SNX29: variants seen among roughly 807,000 people sequenced by gnomAD.
SNX29 encodes the protein sorting nexin-29.
In SNX29, 78 loss-of-function variants were observed where a neutral mutation model predicts 102.1. That is an observed-to-expected ratio of 0.76 (90% CI 0.64 to 0.92). SNX29 has a LOEUF of 0.92. Among genes scored for constraint, SNX29 ranks in the 40% least tolerant of loss-of-function variants. The pLI is 0.00. For missense variants in SNX29, 1,280 were observed against 1,061.7 expected (o/e 1.21, Z -2.86); for synonymous variants, 580 against 414.5 (o/e 1.40, Z -4.85).
chr16:12,229,286 G>A (rs11859239), intron 14 of SNX29, among the ~76,000 whole-genome samples: 2,772 of 152,326 alleles, frequency 0.018, 98 homozygotes, highest in African/African-American at 0.063. Context: ...GCACATAGTA[G>A]GTGTTCAGTA....
At chr16:11,976,967 C>A in intron 1 of SNX29, 154 bp downstream of exon 1, 2 of 1,008,358 alleles carry the variant, frequency 2.0e-6, no homozygotes, top group Non-Finnish European at 2.6e-6. Flanking sequence ...CCAGGACTCC[C>A]GGCTCGTGGC....
chr16:12,402,284 A>G (rs1403900946), intron 17 of SNX29, among the ~76,000 whole-genome samples: 1 of 152,256 alleles, frequency 6.6e-6, no homozygotes, highest in African/African-American at 2.4e-5. Context: ...CATTGTGAAA[A>G]TGAAATGGTC....
In SNX29 at chr16:12,219,714, G is replaced by A. The variant is rs770661407; in HGVS notation, c.1678+20031G>A. On this transcript the variant is annotated intron_variant, in intron 14 of 20. Coordinates refer to ENST00000566228, the MANE Select transcript of SNX29 (RefSeq NM_032167.5). ...AATGTTTTTCTAATTGCAAAGTGAC[G>A]CACAGACCAGTTTCCTCTGGAAATG... Among the ~76,000 whole-genome samples, 66 of 152,312 alleles carry A rather than the reference G, an allele frequency of 4.3e-4. 1 individual carries two copies. The highest frequency in any genetic ancestry group is 5.6e-4 in the Non-Finnish European group (38 of 68,018).
chr16:12,469,542 G>C (rs1055060126), intron 18 of SNX29, among the ~76,000 whole-genome samples: 1 of 152,174 alleles, frequency 6.6e-6, no homozygotes, highest in Non-Finnish European at 1.5e-5. Flanking sequence ...AGCATAAAGG[G>C]GATCAGGGTT....
At chr16:12,559,462 A>C (rs534220327) in intron 20 of SNX29, among the ~76,000 whole-genome samples, 69 of 151,846 alleles carry the variant, frequency 4.5e-4, no homozygotes, top group African/African-American at 1.5e-3. Flanking sequence ...CATTATGGTG[A>C]GTTGTGTAAT....
chr16:12,033,823 T>TCTCG (rs1412751675), intron 4 of SNX29, among the ~76,000 whole-genome samples: 1 of 152,112 alleles, frequency 6.6e-6, no homozygotes, highest in East Asian at 1.9e-4. Flanking sequence ...GGCAGGCTGG[T>TCTCG]CTCGAACTAC....
intron 18 of SNX29, 121 bp downstream of exon 18, chr16:12,403,650 G>C (rs1233965051): frequency 8.5e-6 from 8 of 938,980 alleles, no homozygotes; most frequent in African/African-American, 1.7e-5. Flanking sequence ...TGGCCTTCCA[G>C]ACACCCACAT....
chr16:12,107,048 G>A (rs2053280565), intron 11 of SNX29, among the ~76,000 whole-genome samples: 1 of 152,168 alleles, frequency 6.6e-6, no homozygotes, highest in Admixed American at 6.5e-5. Context: ...GAACTCCTGG[G>A]CTAAAGCAAT....
At position 12,146,128 on chromosome 16, in the gene SNX29, G is replaced by A. The variant is rs373921692; in HGVS notation, c.1595+16370G>A. 1.1e-4 allele frequency among the ~76,000 whole-genome samples: 17 copies of A among 152,336 alleles called. 1 individual carries two copies. The South Asian group carries it at 2.1e-3, about 19-fold the overall frequency. On this transcript the variant is annotated intron_variant, in intron 13 of 20. Transcript: ENST00000566228. ...TACTTGGTGGTTTCCACCTCGATTT[G>A]CATTGCAGCTGCTTCCAGTGTGAGC... is the stretch of plus-strand genomic sequence containing the variant.
intron 14 of SNX29, among the ~76,000 whole-genome samples, chr16:12,209,786 G>A (rs2077135779): frequency 6.6e-6 from 1 of 152,164 alleles, no homozygotes; most frequent in South Asian, 2.1e-4. Flanking sequence ...CTTAAGTCAG[G>A]CATTGCTTAT....
intron 7 of SNX29, among the ~76,000 whole-genome samples, chr16:12,049,103 G>A (rs2050203428): frequency 2.0e-5 from 3 of 152,152 alleles, no homozygotes; most frequent in African/African-American, 7.2e-5. Context: ...GGGAACATCT[G>A]CCATTGGTCT....
intron 13 of SNX29, among the ~76,000 whole-genome samples, chr16:12,136,606 G>A (rs1455629384): frequency 1.3e-5 from 2 of 152,212 alleles, no homozygotes; most frequent in Non-Finnish European, 2.9e-5. Flanking sequence ...TCTGCGCACT[G>A]GTGTCATGCT....
At chr16:12,044,118 C>T (rs1268705875) in intron 5 of SNX29, among the ~76,000 whole-genome samples, 2 of 152,176 alleles carry the variant, frequency 1.3e-5, no homozygotes, top group African/African-American at 4.8e-5. Context: ...TTGAGTGATA[C>T]GGAGCGACAC....
intron 14 of SNX29, among the ~76,000 whole-genome samples, chr16:12,255,218 C>A (rs1488521217): frequency 6.6e-6 from 1 of 151,970 alleles, no homozygotes; most frequent in Non-Finnish European, 1.5e-5. Flanking sequence ...TTTTTTGAGA[C>A]TGAGTCTTGG....
intron 20 of SNX29, among the ~76,000 whole-genome samples, chr16:12,555,749 A>G (rs1048441311): frequency 6.6e-6 from 1 of 150,908 alleles, no homozygotes; most frequent in African/African-American, 2.4e-5. Context: ...CCTCCCCACA[A>G]CTCCAACTAG....
intron 20 of SNX29, among the ~76,000 whole-genome samples, chr16:12,552,470 C>T (rs78768915): frequency 1.3e-5 from 2 of 152,196 alleles, no homozygotes; most frequent in African/African-American, 4.8e-5. Flanking sequence ...CATCTCATCA[C>T]CCAACGATTG....
At chr16:12,434,520 A>G (rs2085448271) in intron 18 of SNX29, among the ~76,000 whole-genome samples, 1 of 152,152 alleles carries the variant, frequency 6.6e-6, no homozygotes, top group African/African-American at 2.4e-5. Context: ...TGGAAGTGCT[A>G]GTCGGGGGTA....
At chr16:12,035,554 T>C (rs3975449) in intron 4 of SNX29, among the ~76,000 whole-genome samples, 2 of 152,212 alleles carry the variant, frequency 1.3e-5, no homozygotes, top group African/African-American at 2.4e-5. Context: ...TTGTGCCTTG[T>C]GGTCAGGCTG....
At chr16:12,403,202 A>ATGTG (rs67193889) in intron 17 of SNX29, among the ~76,000 whole-genome samples, 765 of 70,860 alleles carry the variant, frequency 0.011, 5 homozygotes, top group Non-Finnish European at 0.015. Context: ...TTGTGTGTGT[A>ATGTG]TGTGTGTGTG....
Sources: gnomAD v4.1 joint callset for allele counts (sites outside exome capture counted in the v4.1 genomes callset) on GRCh38, gnomAD v4.1.1 for gene constraint, MANE v1.5 for transcripts, NCBI Gene and HGNC (gene_info 2026-07-23, HGNC 2026-07-21) for gene names.